The following ARHGAP6 variants were observed in gnomAD, a reference collection of about 807,000 sequenced individuals.
ARHGAP6 encodes the protein Rho GTPase activating protein 6.
ARHGAP6 carries 16 observed loss-of-function variants against 55.7 expected under a neutral mutation model. The observed-to-expected ratio is 0.29, with a 90% CI of 0.19 to 0.44. ARHGAP6 has a LOEUF of 0.44. Among genes scored for constraint, ARHGAP6 ranks in the 20% least tolerant of loss-of-function variants. The pLI is 1.00. For missense variants in ARHGAP6, 698 were observed against 808.9 expected (o/e 0.86, Z 1.66); for synonymous variants, 382 against 360.9 (o/e 1.06, Z -0.66).
At chrX:11,420,201 A>C (rs1177895680) in intron 1 of ARHGAP6, among the ~76,000 whole-genome samples, 1 of 112,263 alleles carries the variant, frequency 8.9e-6, no homozygotes, top group Non-Finnish European at 1.9e-5. Context: ...AGATAGTGAA[A>C]GCAGTACCAC....
At chrX:11,401,543 G>T (rs1370106411) in intron 1 of ARHGAP6, among the ~76,000 whole-genome samples, 1 of 110,407 alleles carries the variant, frequency 9.1e-6, no homozygotes, top group South Asian at 3.9e-4. Context: ...CCCAAGATGT[G>T]GCAAGCAAAT....
intron 1 of ARHGAP6, among the ~76,000 whole-genome samples, chrX:11,411,357 A>G (rs1367603072): frequency 6.6e-5 from 7 of 106,435 alleles, no homozygotes; most frequent in African/African-American, 2.4e-4. Context: ...TTATTTTGGT[A>G]TAATTGATAC....
At chrX:11,572,213 GT>G (rs1439819000) in intron 1 of ARHGAP6, among the ~76,000 whole-genome samples, 1 of 110,100 alleles carries the variant, frequency 9.1e-6, no homozygotes, top group Non-Finnish European at 1.9e-5. Flanking sequence ...TATACTTTAA[GT>G]TTTAGGGTAC....
At chrX:11,427,699 G>A (rs1312125248) in intron 1 of ARHGAP6, 87 of 827,537 alleles carry the variant, frequency 1.1e-4, no homozygotes, top group Non-Finnish European at 1.2e-4. Flanking sequence ...CCCTGGGCGC[G>A]AGCCCTGCTC....
At chrX:11,177,374 G>GT (rs369929394) in intron 8 of ARHGAP6, among the ~76,000 whole-genome samples, 7 of 103,541 alleles carry the variant, frequency 6.8e-5, no homozygotes, top group African/African-American at 2.4e-4. Flanking sequence ...GGTGGGCGGG[G>GT]GGGGGGCACA....
chrX:11,404,103 CTCTT>C (rs2049582164), intron 1 of ARHGAP6, among the ~76,000 whole-genome samples: 1 of 111,839 alleles, frequency 8.9e-6, no homozygotes, highest in African/African-American at 3.3e-5. Context: ...TTGGCATCTC[CTCTT>C]TAATTTCCAC....
chrX:11,610,669 CAT>C (rs754531369), intron 1 of ARHGAP6, among the ~76,000 whole-genome samples: 1 of 112,311 alleles, frequency 8.9e-6, no homozygotes, highest in Non-Finnish European at 1.9e-5. Context: ...GTGTAATTTA[CAT>C]ATGATATAAT....
At chrX:11,588,042 A>G (rs1400891857) in intron 1 of ARHGAP6, among the ~76,000 whole-genome samples, 2 of 111,975 alleles carry the variant, frequency 1.8e-5, no homozygotes, top group Non-Finnish European at 3.8e-5. Context: ...AAAGAGAAAT[A>G]TGCTTTTTAC....
intron 8 of ARHGAP6, among the ~76,000 whole-genome samples, chrX:11,174,971 G>A (rs1362808475): frequency 3.6e-5 from 4 of 110,005 alleles, no homozygotes; most frequent in African/African-American, 6.6e-5. Flanking sequence ...GATTACAGGC[G>A]TGAGCCACCG....
intron 1 of ARHGAP6, among the ~76,000 whole-genome samples, chrX:11,609,390 A>C (rs1163898179): frequency 8.9e-6 from 1 of 112,059 alleles, no homozygotes. Flanking sequence ...ACACCTCAGA[A>C]TCACTCACTA....
At chrX:11,571,083 G>T (rs1006623221) in intron 1 of ARHGAP6, among the ~76,000 whole-genome samples, 5 of 111,735 alleles carry the variant, frequency 4.5e-5, no homozygotes, top group African/African-American at 1.6e-4. Flanking sequence ...CACTGCTAGG[G>T]TCTTGATCTT....
intron 10 of ARHGAP6, among the ~76,000 whole-genome samples, chrX:11,150,428 A>ATT (rs749485388): frequency 1.7e-3 from 185 of 109,552 alleles, no homozygotes; most frequent in African/African-American, 5.9e-3. Flanking sequence ...TTTTGTGTAT[A>ATT]TTTTTTTTTC....
chrX:11,255,772 T>C (rs1204617444), intron 1 of ARHGAP6, among the ~76,000 whole-genome samples: 1 of 111,606 alleles, frequency 9.0e-6, no homozygotes, highest in Non-Finnish European at 1.9e-5. Context: ...ATTTCCACAA[T>C]CCTAAAAGTG....
intron 1 of ARHGAP6, among the ~76,000 whole-genome samples, chrX:11,474,584 A>G (rs1375141787): frequency 1.8e-5 from 2 of 112,230 alleles, no homozygotes; most frequent in Non-Finnish European, 3.8e-5. Flanking sequence ...GGGACAAATT[A>G]AAATTATAAA....
At chrX:11,326,898 A>G (rs1165574634) in intron 1 of ARHGAP6, among the ~76,000 whole-genome samples, 1 of 112,030 alleles carries the variant, frequency 8.9e-6, no homozygotes, top group African/African-American at 3.2e-5. Context: ...ATTTCATTAA[A>G]TAATGCCATG....
chrX:11,275,469 C>G (rs1283814885), intron 1 of ARHGAP6, among the ~76,000 whole-genome samples: 1 of 111,627 alleles, frequency 9.0e-6, no homozygotes, highest in Non-Finnish European at 1.9e-5. Context: ...CTCTCCTACT[C>G]ACACTCAGAA....
At chrX:11,260,798 C>T (rs1397455301) in intron 1 of ARHGAP6, among the ~76,000 whole-genome samples, 1 of 111,808 alleles carries the variant, frequency 8.9e-6, no homozygotes, top group Non-Finnish European at 1.9e-5. Context: ...CATCAGGCTG[C>T]TTTTGGCCCA....
intron 1 of ARHGAP6, among the ~76,000 whole-genome samples, chrX:11,340,191 C>G (rs1258373812): frequency 8.9e-6 from 1 of 111,839 alleles, no homozygotes; most frequent in Non-Finnish European, 1.9e-5. Context: ...AATTCAATGG[C>G]TTCTCACTGC....
At position 11,241,573 on chromosome X, in the gene ARHGAP6, T is replaced by TGTGTGTGC. The variant is rs1491462940; in HGVS notation, c.748+12974_748+12975insGCACACAC. Among the ~76,000 whole-genome samples the TGTGTGTGC allele has an allele frequency of 1.4e-4, 14 of 97,417 alleles. No homozygotes were observed. The South Asian group carries it at 1.4e-3, about 10-fold the overall frequency. 84.6% of individuals were successfully genotyped at this position (97,417 alleles called of 115,157 possible). A position where few individuals can be genotyped will look rare whatever the true frequency, so the allele number is the denominator to read the frequency against. On this transcript the variant is annotated intron_variant, in intron 2 of 12. Transcript: ENST00000337414. The stretch of plus-strand genomic sequence containing the variant: ...GTGTGTGTGTGTGTGTGTGTGTGTG[T>TGTGTGTGC]GCGCGTGTGTCATCTTCAAGAAATC...
Sources: allele counts gnomAD v4.1 joint callset (sites outside exome capture counted in the v4.1 genomes callset), GRCh38; gene constraint gnomAD v4.1.1; transcripts MANE v1.5; gene names NCBI Gene and HGNC (gene_info 2026-07-23, HGNC 2026-07-21).